Variants in POU2F1 observed in about 807,000 individuals in gnomAD.
POU2F1 encodes the protein POU domain, class 2, transcription factor 1.
Under a neutral mutation model 84.9 loss-of-function variants are expected in POU2F1, and 16 were observed. The observed-to-expected ratio is 0.19, with a 90% CI of 0.13 to 0.29. The LOEUF (loss-of-function observed/expected upper bound fraction) is 0.29, where lower values mean the gene tolerates loss of function less well. POU2F1 is among the 10% of genes least tolerant of loss of function. The pLI, the probability that POU2F1 is intolerant of heterozygous loss-of-function variation, is 1.00. For synonymous variants in POU2F1, 368 were observed against 368.3 expected (o/e 1.00, Z 0.01); for missense variants, 738 against 942.6 (o/e 0.78, Z 2.84).
intron 1 of POU2F1, among the ~76,000 whole-genome samples, chr1:167,301,611 C>T (rs1204653736): frequency 6.6e-6 from 1 of 152,132 alleles, no homozygotes; most frequent in Non-Finnish European, 1.5e-5. Flanking sequence ...GTTGGGGGAA[C>T]ATTTCAAAAG....
chr1:167,317,721 G>C (rs1656013082), intron 1 of POU2F1, among the ~76,000 whole-genome samples: 1 of 152,146 alleles, frequency 6.6e-6, no homozygotes, highest in East Asian at 1.9e-4. Flanking sequence ...CCTCCTTCCG[G>C]TAAACCAACA....
chr1:167,349,470 A>G (rs1445985927), intron 2 of POU2F1, among the ~76,000 whole-genome samples: 3 of 151,886 alleles, frequency 2.0e-5, no homozygotes, highest in African/African-American at 4.8e-5. Flanking sequence ...TTTATTATCT[A>G]TTTCCCAACT....
intron 1 of POU2F1, among the ~76,000 whole-genome samples, chr1:167,239,929 G>C (rs918179781): frequency 2.7e-5 from 4 of 150,792 alleles, no homozygotes; most frequent in African/African-American, 9.7e-5. Flanking sequence ...TTTTTATTTA[G>C]TTTTGGGGAT....
intron 1 of POU2F1, among the ~76,000 whole-genome samples, chr1:167,282,371 C>T (rs966863075): frequency 2.0e-5 from 3 of 152,138 alleles, no homozygotes; most frequent in Non-Finnish European, 4.4e-5. Context: ...GTCTCGATTT[C>T]CTGACCTCGT....
At chr1:167,312,888 A>G (rs967036706) in intron 1 of POU2F1, among the ~76,000 whole-genome samples, 5 of 152,252 alleles carry the variant, frequency 3.3e-5, no homozygotes, top group African/African-American at 1.2e-4. Context: ...CTTGTTAGAA[A>G]TGCAAATACC....
intron 1 of POU2F1, among the ~76,000 whole-genome samples, chr1:167,226,837 C>G (rs1240801801): frequency 6.6e-6 from 1 of 152,172 alleles, no homozygotes; most frequent in Non-Finnish European, 1.5e-5. Flanking sequence ...TCCAATTAAG[C>G]AAGCACTCAA....
At chr1:167,340,115 C>T (rs1328308726) in intron 2 of POU2F1, among the ~76,000 whole-genome samples, 4 of 152,244 alleles carry the variant, frequency 2.6e-5, no homozygotes, top group East Asian at 1.9e-4. Context: ...ATTTCACTGT[C>T]GTTGCCCAGG....
At chr1:167,299,458 TG>T (rs1488203003) in intron 1 of POU2F1, among the ~76,000 whole-genome samples, 1 of 152,216 alleles carries the variant, frequency 6.6e-6, no homozygotes, top group East Asian at 1.9e-4. Context: ...CTGCCCTGTG[TG>T]GGAAGACATC....
chr1:167,346,572 A>T (rs1335698526), intron 2 of POU2F1, among the ~76,000 whole-genome samples: 7 of 152,290 alleles, frequency 4.6e-5, no homozygotes, highest in Non-Finnish European at 5.9e-5. Context: ...ATCAGTCATT[A>T]GTTAGATTCT....
intron 13 of POU2F1, among the ~76,000 whole-genome samples, chr1:167,408,414 A>G (rs1334622941): frequency 6.6e-6 from 1 of 152,246 alleles, no homozygotes; most frequent in Non-Finnish European, 1.5e-5. Context: ...GTGAATGTTT[A>G]TATAGCAGCC....
chr1:167,396,086 C>T (rs16858976), intron 9 of POU2F1, among the ~76,000 whole-genome samples, 200 bp from the exon 10 acceptor site: 1,591 of 152,190 alleles, frequency 0.01, 26 homozygotes, highest in African/African-American at 0.036. Context: ...AACATTGTAA[C>T]GATCAGGCCT....
In POU2F1 at chr1:167,383,939, C is replaced by A; in HGVS notation, c.801C>A (p.Thr267=). ...ANLLQSQPSI[T]LTSQPATPTR... ...TCCTACAGTCGCAGCCAAGCATCAC[C>A]CTCACCTCCCAGGTCAGTTTTCTTC... The change falls in exon 8 of 16, where the codon ACC becomes ACA. Residue 267 remains threonine, a synonymous_variant. Coordinates refer to ENST00000367866, the MANE Select transcript of POU2F1 (RefSeq NM_002697.4). 1 of 1,613,058 alleles carries A rather than the reference C, an allele frequency of 6.2e-7. No homozygotes were observed. Among genetic ancestry groups the A allele is most frequent in the South Asian group, 1.1e-5 (1 of 91,008 alleles).
chr1:167,408,705 A>G (rs1489058101), intron 13 of POU2F1, among the ~76,000 whole-genome samples: 1 of 152,234 alleles, frequency 6.6e-6, no homozygotes, highest in Non-Finnish European at 1.5e-5. Flanking sequence ...CATGATTACA[A>G]ACAGGCACAA....
chr1:167,322,702 G>C (rs1571299300), intron 1 of POU2F1, among the ~76,000 whole-genome samples: 1 of 152,158 alleles, frequency 6.6e-6, no homozygotes, highest in East Asian at 1.9e-4. Flanking sequence ...TGGGAATCAG[G>C]GCTGACAGCC....
At chr1:167,344,993 A>G (rs913325122) in intron 2 of POU2F1, among the ~76,000 whole-genome samples, 1 of 152,308 alleles carries the variant, frequency 6.6e-6, no homozygotes, top group African/African-American at 2.4e-5. Flanking sequence ...TTTCTCACTC[A>G]TAAGTGGGAG....
intron 3 of POU2F1, among the ~76,000 whole-genome samples, chr1:167,368,730 G>A (rs1659837777): frequency 6.6e-6 from 1 of 152,022 alleles, no homozygotes; most frequent in African/African-American, 2.4e-5. Context: ...TTGTTTTTGT[G>A]TTTGAGGGTT....
intron 1 of POU2F1, among the ~76,000 whole-genome samples, chr1:167,229,116 G>A (rs114321732): frequency 9.5e-4 from 145 of 151,990 alleles, no homozygotes; most frequent in African/African-American, 3.5e-3. Context: ...CTTTGTGTTG[G>A]TGTAAGAGTT....
At position 167,424,017 on chromosome 1, in the gene POU2F1, C is replaced by G. The variant is rs1219417784; in HGVS notation, c.*8207C>G. Reference sequence around the variant, plus strand: ...ACCCAGCCTTAATGAGTCTCATGGTCTAAAAGTATAGGAAGAAATGAAATG... The same window carrying G: ...ACCCAGCCTTAATGAGTCTCATGGTGTAAAAGTATAGGAAGAAATGAAATG... On this transcript the variant is annotated 3_prime_UTR_variant, in exon 16 of 16. Transcript: ENST00000367866. 1 of 152,204 alleles carries G rather than the reference C, an allele frequency of 6.6e-6. No individual in the cohort carries two copies. The highest frequency in any genetic ancestry group is 1.5e-5 in the Non-Finnish European group (1 of 68,044). The allele number at this position is 152,204 out of a possible 1,614,324, so 9.4% of individuals were successfully genotyped here.
At chr1:167,301,483 T>C (rs1310883735) in intron 1 of POU2F1, among the ~76,000 whole-genome samples, 1 of 152,234 alleles carries the variant, frequency 6.6e-6, no homozygotes, top group Non-Finnish European at 1.5e-5. Context: ...AAAACCAATC[T>C]GAAGCCAGTA....
Sources: allele counts gnomAD v4.1 joint callset (sites outside exome capture counted in the v4.1 genomes callset), GRCh38; gene constraint gnomAD v4.1.1; transcripts MANE v1.5; gene names NCBI Gene and HGNC (gene_info 2026-07-23, HGNC 2026-07-21).